Variants in ATRN observed in about 807,000 individuals in gnomAD.
ATRN encodes attractin, also known as attractin-2.
Under a neutral mutation model 178.7 loss-of-function variants are expected in ATRN, and 54 were observed. The observed-to-expected ratio is 0.30, with a 90% confidence interval of 0.24 to 0.38. The LOEUF is 0.38. Ranked by LOEUF, ATRN falls within the 10% of genes least tolerant of loss-of-function variation. The pLI, the probability that ATRN is intolerant of heterozygous loss-of-function variation, is 1.00. For synonymous variants in ATRN, 636 were observed against 663.0 expected (o/e 0.96, Z 0.63); for missense variants, 1,443 against 1,815.1 (o/e 0.79, Z 3.73).
chr20:3,504,515 A>G (rs1281711956), intron 1 of ATRN, among the ~76,000 whole-genome samples: 1 of 3,594 alleles, frequency 2.8e-4, no homozygotes, highest in Non-Finnish European at 4.8e-4. Flanking sequence ...GTCTCTACTA[A>G]AAAAAAAAAA....
At chr20:3,582,879 C>A (rs374224111) in intron 16 of ATRN, among the ~76,000 whole-genome samples, 6 of 152,284 alleles carry the variant, frequency 3.9e-5, no homozygotes, top group African/African-American at 1.4e-4. Context: ...CAGACAGACA[C>A]TCGGAGTAGC....
chr20:3,613,881 CTCA>C (rs2086801953), intron 24 of ATRN, among the ~76,000 whole-genome samples: 1 of 151,716 alleles, frequency 6.6e-6, no homozygotes, highest in Non-Finnish European at 1.5e-5. Flanking sequence ...AATTGAGATT[CTCA>C]TTTTTTTAAA....
At chr20:3,540,912 T>C (rs908058338) in intron 3 of ATRN, among the ~76,000 whole-genome samples, 6 of 152,228 alleles carry the variant, frequency 3.9e-5, no homozygotes, top group Admixed American at 6.5e-5. Context: ...ACATTTACAT[T>C]AGTAGTTAAA....
At chr20:3,535,501 TAA>T (rs1165591718) in intron 2 of ATRN, among the ~76,000 whole-genome samples, 165 bp downstream of exon 2, 1 of 152,102 alleles carries the variant, frequency 6.6e-6, no homozygotes, top group African/African-American at 2.4e-5. Context: ...TTCATTAATT[TAA>T]AAGTTTCATG....
At chr20:3,513,073 A>T (rs1486790659) in intron 1 of ATRN, among the ~76,000 whole-genome samples, 1 of 152,076 alleles carries the variant, frequency 6.6e-6, no homozygotes, top group Admixed American at 6.6e-5. Context: ...GTTCACTCTG[A>T]TGGTAGTTTC....
chr20:3,551,014 T>C (rs1246252830), intron 6 of ATRN, among the ~76,000 whole-genome samples: 1 of 152,222 alleles, frequency 6.6e-6, no homozygotes, highest in Non-Finnish European at 1.5e-5. Context: ...TGGTGGACAC[T>C]GTTGGTGCCT....
At chr20:3,585,431 TAAA>T (rs1294873437) in intron 18 of ATRN, among the ~76,000 whole-genome samples, 16 of 152,138 alleles carry the variant, frequency 1.1e-4, no homozygotes, top group Non-Finnish European at 2.2e-4. Context: ...TTATTGGAGA[TAAA>T]GAAGCCATTC....
chr20:3,563,301 A>G lies in ATRN; in HGVS notation c.1724A>G (p.Asn575Ser), dbSNP rs1235297648. The G allele has an allele frequency of 6.2e-7, 1 of 1,614,158 alleles. No homozygotes were observed. The highest frequency in any genetic ancestry group is 1.1e-5 in the South Asian group (1 of 91,080). ...CTGGTGTTTGGAGGAAACACACACA[A>G]TGACACATCTATGAGCCATGGCGCC... ...TMLVFGGNTH[N>S]DTSMSHGAKC... The change falls in exon 10 of 29, where the codon AAT (asparagine) becomes AGT (serine). Residue 575 changes from asparagine (N) to serine (S), a missense_variant. By Grantham distance (46) the Asn-to-Ser change is conservative. This residue lies in a region of ATRN where 862 missense variants were observed against 972.1 expected (regional missense o/e 0.89). Transcript: ENST00000262919.
Position 3,646,918 on chromosome 20 carries a change from G to C in ATRN, c.*71G>C. 6.3e-7 allele frequency: 1 copy of C among 1,579,140 alleles called. No individual in the cohort carries two copies. Among genetic ancestry groups the C allele is most frequent in the Non-Finnish European group, 8.6e-7 (1 of 1,161,454 alleles). On this transcript the variant is annotated 3_prime_UTR_variant, in exon 29 of 29. Transcript: ENST00000262919. ...ACCAGAGCCATCTGCAGGGAAGGGC[G>C]TGGCGGGGAAATGGCTGTGCGGTGC...
chr20:3,563,275 G>A lies in ATRN; in HGVS notation c.1698G>A (p.Met566Ile), dbSNP rs1274344688. 1.2e-6 allele frequency: 2 copies of A among 1,614,110 alleles called. No homozygotes were observed. Among genetic ancestry groups the A allele is most frequent in the Non-Finnish European group, 1.7e-6 (2 of 1,180,006 alleles). Residue 566 changes from methionine (M) to isoleucine (I), a missense_variant, in exon 10 of 29, where the codon ATG becomes ATA. Around this residue, in one of 4 missense-constraint regions of ATRN, gnomAD observed 862 missense variants for 972.1 expected, o/e 0.89. Transcript: ENST00000262919. ...CAGCTGTGATAGTGAGTGGAACCAT[G>A]CTGGTGTTTGGAGGAAACACACACA... ...LHTAVIVSGT[M>I]LVFGGNTHND...
At chr20:3,620,383 A>T (rs986546403) in intron 24 of ATRN, among the ~76,000 whole-genome samples, 8 of 152,154 alleles carry the variant, frequency 5.3e-5, no homozygotes, top group African/African-American at 1.7e-4. Flanking sequence ...AGTAGCTGGG[A>T]TCACAGGTGC....
chr20:3,646,552 G>A (rs895270441), intron 28 of ATRN, among the ~76,000 whole-genome samples, 171 bp from the exon 29 acceptor site: 6 of 152,198 alleles, frequency 3.9e-5, no homozygotes, highest in African/African-American at 1.4e-4. Flanking sequence ...GGTCAGGGTG[G>A]AAGGAAGACT....
chr20:3,504,926 T>C (rs1453653651), intron 1 of ATRN, among the ~76,000 whole-genome samples: 1 of 152,162 alleles, frequency 6.6e-6, no homozygotes, highest in Non-Finnish European at 1.5e-5. Context: ...ATAAGCCGTA[T>C]GTTTATATTG....
At chr20:3,538,676 C>T (rs1239810290) in intron 2 of ATRN, among the ~76,000 whole-genome samples, 1 of 152,150 alleles carries the variant, frequency 6.6e-6, no homozygotes, top group East Asian at 1.9e-4. Context: ...TCAGTTTTCC[C>T]TTTGGAATGT....
intron 3 of ATRN, among the ~76,000 whole-genome samples, chr20:3,544,774 A>G (rs2085674415): frequency 6.6e-6 from 1 of 150,640 alleles, no homozygotes; most frequent in Admixed American, 6.6e-5. Context: ...GCAAGTTGGT[A>G]TTATGGCTCT....
chr20:3,609,714 A>ATGTATG (rs1555824571), intron 24 of ATRN, among the ~76,000 whole-genome samples: 5 of 146,224 alleles, frequency 3.4e-5, no homozygotes, highest in East Asian at 4.0e-4. Context: ...GTATGTATGT[A>ATGTATG]TGTGTGTGTG....
intron 1 of ATRN, among the ~76,000 whole-genome samples, chr20:3,509,519 C>A (rs1490509595): frequency 1.4e-5 from 2 of 142,030 alleles, no homozygotes; most frequent in Non-Finnish European, 3.0e-5. Context: ...TTTTTGGAGA[C>A]AGGAGTCTTG....
At chr20:3,483,421 A>C (rs964816882) in intron 1 of ATRN, among the ~76,000 whole-genome samples, 2 of 152,180 alleles carry the variant, frequency 1.3e-5, no homozygotes, top group Non-Finnish European at 2.9e-5. Context: ...ATCACCGCTC[A>C]CTGCAGCCCT....
intron 1 of ATRN, chr20:3,490,416 C>A (rs186628432): frequency 1.3e-4 from 119 of 927,668 alleles, no homozygotes; most frequent in Middle Eastern, 5.0e-4. Flanking sequence ...CTTGGAGAGG[C>A]TTTACTCTAT....
Sources: allele counts gnomAD v4.1 joint callset (sites outside exome capture counted in the v4.1 genomes callset), GRCh38; gene constraint gnomAD v4.1.1; regional missense constraint gnomAD v4.1.1; transcripts MANE v1.5; gene names NCBI Gene and HGNC (gene_info 2026-07-23, HGNC 2026-07-21).